Variants in WWOX observed in about 807,000 individuals in gnomAD.
WWOX encodes WW domain containing oxidoreductase, also known as WW domain-containing oxidoreductase.
A neutral mutation model predicts 46.2 loss-of-function variants in WWOX; 69 were observed. The observed-to-expected ratio is 1.49, with a 90% confidence interval of 1.23 to 1.82. WWOX has a LOEUF of 1.82. WWOX is among the 40% of genes most tolerant of loss of function. The pLI is 0.00. For missense variants in WWOX, 919 were observed against 542.6 expected, an observed-to-expected ratio of 1.69 and a Z score of -6.89; for synonymous variants, 359 against 202.6, an observed-to-expected ratio of 1.77 and a Z score of -6.56.
chr16:78,690,084 C>G (rs1051898195), intron 8 of WWOX, among the ~76,000 whole-genome samples: 1 of 152,152 alleles, frequency 6.6e-6, no homozygotes, highest in Non-Finnish European at 1.5e-5. Flanking sequence ...TGGTCTCGAT[C>G]TCCTGACCTC....
chr16:78,516,749 T>G (rs1435066269), intron 8 of WWOX, among the ~76,000 whole-genome samples: 1 of 152,216 alleles, frequency 6.6e-6, no homozygotes. Flanking sequence ...GAGGGTTTCC[T>G]AATGCTCCTT....
chr16:78,314,211 C>A (rs2080307268), intron 5 of WWOX, among the ~76,000 whole-genome samples: 1 of 151,938 alleles, frequency 6.6e-6, no homozygotes, highest in Admixed American at 6.6e-5. Context: ...TGGAGACCAT[C>A]CTGGCTAACA....
chr16:78,578,003 T>A (rs1167851444), intron 8 of WWOX, among the ~76,000 whole-genome samples: 1 of 151,894 alleles, frequency 6.6e-6, no homozygotes, highest in African/African-American at 2.4e-5. Flanking sequence ...TAGGTCCAGA[T>A]TTCAGAGGAA....
chr16:79,046,230 C>A (rs2048063333), intron 8 of WWOX, among the ~76,000 whole-genome samples: 1 of 152,310 alleles, frequency 6.6e-6, no homozygotes, highest in South Asian at 2.1e-4. Flanking sequence ...GTGTTTAGTT[C>A]ATTTTCTCTG....
At chr16:78,188,802 G>T (rs919847919) in intron 5 of WWOX, among the ~76,000 whole-genome samples, 1 of 152,104 alleles carries the variant, frequency 6.6e-6, no homozygotes, top group Admixed American at 6.5e-5. Flanking sequence ...AATCGTATCA[G>T]TGGTTTTCCC....
At chr16:78,918,239 T>A (rs550815957) in intron 8 of WWOX, among the ~76,000 whole-genome samples, 4 of 152,162 alleles carry the variant, frequency 2.6e-5, no homozygotes, top group African/African-American at 4.8e-5. Context: ...AAGAAAGCCC[T>A]ATCAAAATTT....
At chr16:78,522,211 T>C (rs1159039152) in intron 8 of WWOX, among the ~76,000 whole-genome samples, 4 of 151,326 alleles carry the variant, frequency 2.6e-5, no homozygotes, top group Non-Finnish European at 5.9e-5. Context: ...CTTTCTTTAC[T>C]AAGGCAGGTT....
At chr16:78,499,978 G>C (rs1303850613) in intron 8 of WWOX, among the ~76,000 whole-genome samples, 1 of 152,136 alleles carries the variant, frequency 6.6e-6, no homozygotes, top group Non-Finnish European at 1.5e-5. Flanking sequence ...GACTCATTTT[G>C]AATCTTTAAA....
At chr16:78,446,313 G>A (rs182536420) in intron 8 of WWOX, among the ~76,000 whole-genome samples, 1 of 152,260 alleles carries the variant, frequency 6.6e-6, no homozygotes, top group African/African-American at 2.4e-5. Context: ...GGAGGTCTTG[G>A]GTTTAAAGGT....
chr16:78,303,515 C>T (rs1208177272), intron 5 of WWOX, among the ~76,000 whole-genome samples: 4 of 152,002 alleles, frequency 2.6e-5, no homozygotes, highest in Admixed American at 6.6e-5. Context: ...TGTGCTCTTT[C>T]GTTTTTGTTT....
chr16:78,503,649 G>C (rs1323378350), intron 8 of WWOX: 2 of 152,070 alleles, frequency 1.3e-5, no homozygotes, highest in South Asian at 2.1e-4. Flanking sequence ...TATTCACAAG[G>C]TGCAAACACT....
chr16:78,857,889 T>G (rs555538140), intron 8 of WWOX, among the ~76,000 whole-genome samples: 2 of 152,314 alleles, frequency 1.3e-5, no homozygotes, highest in South Asian at 4.1e-4. Context: ...GATCAAGCAA[T>G]TCCATTCTGT....
chr16:78,639,273 T>C (rs1251843105), intron 8 of WWOX, among the ~76,000 whole-genome samples: 3 of 152,158 alleles, frequency 2.0e-5, no homozygotes, highest in Non-Finnish European at 4.4e-5. Flanking sequence ...CAGGCATCGA[T>C]GACACACGCA....
chr16:78,620,968 T>TTA (rs1033070460), intron 8 of WWOX, among the ~76,000 whole-genome samples: 1 of 152,186 alleles, frequency 6.6e-6, no homozygotes, highest in Non-Finnish European at 1.5e-5. Context: ...CACTGTATTT[T>TTA]TAGTTTTTTC....
chr16:78,581,280 T>C (rs2045046183), intron 8 of WWOX, among the ~76,000 whole-genome samples: 5 of 152,222 alleles, frequency 3.3e-5, no homozygotes, highest in Admixed American at 3.3e-4. Context: ...CATGTGGCTA[T>C]TGTATTCATT....
rs2044840909 is a variant in WWOX at position 78,575,078 on chromosome 16, T to TC, written c.1056+142326_1056+142327insC. On this transcript the variant is annotated intron_variant, in intron 8 of 8. Coordinates refer to ENST00000566780, the MANE Select transcript of WWOX (RefSeq NM_016373.4). ...ATATATATATATATATATATATATA[T>TC]ATATATATATATATATATTTAAAGC... Among the ~76,000 whole-genome samples the TC allele has an allele frequency of 1.2e-4, 4 of 34,708 alleles. 1 individual carries two copies. Among genetic ancestry groups the TC allele is most frequent in the Non-Finnish European group, 1.1e-4 (2 of 18,112 alleles). The allele number at this position is 34,708 out of a possible 152,430, so 22.8% of individuals were successfully genotyped here.
intron 6 of WWOX, among the ~76,000 whole-genome samples, chr16:78,391,706 G>C (rs573135656): frequency 6.6e-4 from 100 of 152,106 alleles, no homozygotes; most frequent in African/African-American, 2.1e-3. Flanking sequence ...AAATTAGCCG[G>C]GCATGGTGAT....
At position 79,072,254 on chromosome 16, in the gene WWOX, C is replaced by G. The variant is rs56183624; in HGVS notation, c.1057-139354C>G. Among the ~76,000 whole-genome samples, 600 of 152,288 alleles carry G rather than the reference C, an allele frequency of 3.9e-3. 3 individuals carry two copies. Among genetic ancestry groups the G allele is most frequent in the Middle Eastern group, 6.8e-3 (2 of 294 alleles). On this transcript the variant is annotated intron_variant, in intron 8 of 8. Coordinates refer to ENST00000566780, the MANE Select transcript of WWOX (RefSeq NM_016373.4). The stretch of plus-strand genomic sequence containing the variant: ...TGAGCTATGATCATACCACTGCAAT[C>G]TAGCCTGAGTAACAGAATGAGACTG...
At chr16:78,751,245 A>T (rs1194387362) in intron 8 of WWOX, among the ~76,000 whole-genome samples, 1 of 151,916 alleles carries the variant, frequency 6.6e-6, no homozygotes, top group East Asian at 1.9e-4. Context: ...TTAGAAGAAG[A>T]TATGAGATAA....
Sources: gnomAD v4.1 joint callset for allele counts (sites outside exome capture counted in the v4.1 genomes callset) on GRCh38, gnomAD v4.1.1 for gene constraint, MANE v1.5 for transcripts, NCBI Gene and HGNC (gene_info 2026-07-23, HGNC 2026-07-21) for gene names.